The following PTPRK variants were observed in gnomAD, a reference collection of about 807,000 sequenced individuals.
The protein encoded by PTPRK is receptor-type tyrosine-protein phosphatase kappa.
Under a neutral mutation model 178.0 loss-of-function variants are expected in PTPRK, and 75 were observed. That is an observed-to-expected ratio of 0.42 (90% CI 0.35 to 0.51). PTPRK has a LOEUF of 0.51. Ranked by LOEUF, PTPRK falls within the 20% of genes least tolerant of loss-of-function variation. The probability of loss-of-function intolerance (pLI) is 0.02; values close to 1 mark genes in which losing one functional copy is unlikely to be tolerated. For missense variants in PTPRK, 1,441 were observed against 1,797.8 expected (o/e 0.80, Z 3.59); for synonymous variants, 637 against 620.6 (o/e 1.03, Z -0.39).
At chr6:128,421,439 T>C (rs1220715201) in intron 1 of PTPRK, among the ~76,000 whole-genome samples, 1 of 152,202 alleles carries the variant, frequency 6.6e-6, no homozygotes, top group Non-Finnish European at 1.5e-5. Flanking sequence ...AATAAGAGAA[T>C]GGGGAGTTTT....
intron 1 of PTPRK, among the ~76,000 whole-genome samples, chr6:128,491,247 T>G (rs918045985): frequency 5.3e-5 from 8 of 152,214 alleles, no homozygotes. Flanking sequence ...AAACAGACAT[T>G]TGCAGTCTGT....
intron 7 of PTPRK, among the ~76,000 whole-genome samples, chr6:128,140,309 G>A (rs1004935789): frequency 1.3e-5 from 2 of 151,884 alleles, no homozygotes; most frequent in Non-Finnish European, 2.9e-5. Context: ...TGTACAAGTG[G>A]CCTTTGAAAA....
At chr6:128,242,764 TAAAC>T (rs1814701176) in intron 3 of PTPRK, among the ~76,000 whole-genome samples, 162 bp from the exon 4 acceptor site, 1 of 152,178 alleles carries the variant, frequency 6.6e-6, no homozygotes, top group Non-Finnish European at 1.5e-5. Context: ...CTTGTACAGG[TAAAC>T]AAATCAAAAT....
At chr6:128,243,509 A>AAAG (rs1554367486) in intron 3 of PTPRK, among the ~76,000 whole-genome samples, 25 of 137,692 alleles carry the variant, frequency 1.8e-4, no homozygotes, top group Middle Eastern at 3.4e-3. Flanking sequence ...AAAAAAAAAA[A>AAAG]AAAAGAAAAG....
chr6:128,223,488 T>C (rs1479236008), intron 5 of PTPRK, among the ~76,000 whole-genome samples: 1 of 152,054 alleles, frequency 6.6e-6, no homozygotes, highest in Non-Finnish European at 1.5e-5. Context: ...ATATATTACA[T>C]GATGCTTATA....
At chr6:128,293,067 T>C (rs1276281367) in intron 3 of PTPRK, among the ~76,000 whole-genome samples, 1 of 152,026 alleles carries the variant, frequency 6.6e-6, no homozygotes, top group African/African-American at 2.4e-5. Flanking sequence ...TTTTTCTTTA[T>C]AAAATGAACA....
intron 7 of PTPRK, among the ~76,000 whole-genome samples, chr6:128,104,524 T>C (rs1335108233): frequency 6.6e-6 from 1 of 152,224 alleles, no homozygotes. Flanking sequence ...GCCCGGCCTA[T>C]ATTCTGTCTT....
intron 2 of PTPRK, among the ~76,000 whole-genome samples, chr6:128,325,046 T>C (rs958654247): frequency 6.6e-6 from 1 of 152,338 alleles, no homozygotes; most frequent in South Asian, 2.1e-4. Flanking sequence ...AACAAGAGTT[T>C]AGTTATCTCA....
rs1836487886 is a variant in PTPRK at position 128,372,901 on chromosome 6, G to T, written c.223+24665C>A. On this transcript the variant is annotated intron_variant, in intron 2 of 29. Coordinates refer to ENST00000368226, the MANE Select transcript of PTPRK (RefSeq NM_002844.4). ...GAAAAATGGAATGAGGAAATGAACA[G>T]AACTGAGTACTCTGATATACATGAG... Among the ~76,000 whole-genome samples, 3 of 151,702 alleles carry T rather than the reference G, an allele frequency of 2.0e-5. No homozygotes were observed. In the South Asian group the frequency reaches 6.2e-4, roughly 32 times the overall value.
At chr6:128,462,681 G>A (rs923567761) in intron 1 of PTPRK, among the ~76,000 whole-genome samples, 4 of 150,664 alleles carry the variant, frequency 2.7e-5, no homozygotes, top group East Asian at 3.9e-4. Flanking sequence ...TTGAGATGGA[G>A]TTTTGCTCTT....
chr6:128,215,568 G>T (rs1809120493), intron 6 of PTPRK, among the ~76,000 whole-genome samples: 1 of 152,116 alleles, frequency 6.6e-6, no homozygotes, highest in Non-Finnish European at 1.5e-5. Flanking sequence ...TCATAGCAAA[G>T]TAATTTCTGT....
At chr6:127,998,630 TGTTGTGTTA>T (rs1777455384) in intron 16 of PTPRK, 81 bp downstream of exon 16, 1 of 1,077,562 alleles carries the variant, frequency 9.3e-7, no homozygotes, top group African/African-American at 1.6e-5. Context: ...ATCCCCTCCT[TGTTGTGTTA>T]AAGAGAGGGA....
chr6:128,438,678 G>A (rs1451246926), intron 1 of PTPRK, among the ~76,000 whole-genome samples: 1 of 152,178 alleles, frequency 6.6e-6, no homozygotes, highest in Non-Finnish European at 1.5e-5. Flanking sequence ...GCTGCCCCAG[G>A]TGCCAAGTTA....
intron 3 of PTPRK, among the ~76,000 whole-genome samples, chr6:128,288,306 T>G (rs1009157414): frequency 1.3e-5 from 2 of 152,216 alleles, no homozygotes; most frequent in Non-Finnish European, 2.9e-5. Context: ...AAATTTTATA[T>G]CAGTTAATTC....
Position 128,240,020 on chromosome 6 carries a change from C to A in PTPRK, c.693+15G>T, listed in dbSNP as rs766584044. ...TAAAGTATACTCTTTAGCTCAGCTG[C>A]CAACTTGGCCTTACCTGGAGCCATA... On this transcript the variant is annotated intron_variant, in intron 5 of 29. Coordinates refer to ENST00000368226, the MANE Select transcript of PTPRK (RefSeq NM_002844.4). 1.7e-5 allele frequency: 27 copies of A among 1,588,714 alleles called. No individual in the cohort carries two copies. The highest frequency in any genetic ancestry group is 4.0e-5 in the African/African-American group (3 of 74,288).
intron 3 of PTPRK, among the ~76,000 whole-genome samples, chr6:128,257,237 A>C (rs1280349723): frequency 6.6e-6 from 1 of 151,976 alleles, no homozygotes; most frequent in Non-Finnish European, 1.5e-5. Flanking sequence ...CCAAAAAAAA[A>C]AAAAAGACAC....
chr6:128,117,403 G>C (rs2114375221), intron 7 of PTPRK, among the ~76,000 whole-genome samples: 1 of 152,208 alleles, frequency 6.6e-6, no homozygotes, highest in East Asian at 1.9e-4. Context: ...AAATTGATTA[G>C]GTAATGCTTC....
At chr6:128,065,634 T>C (rs1178037315) in intron 12 of PTPRK, among the ~76,000 whole-genome samples, 1 of 152,226 alleles carries the variant, frequency 6.6e-6, no homozygotes, top group Admixed American at 6.5e-5. Flanking sequence ...TTCTATATGT[T>C]GATAATTTAT....
At chr6:128,446,691 A>G (rs1357429345) in intron 1 of PTPRK, among the ~76,000 whole-genome samples, 1 of 152,196 alleles carries the variant, frequency 6.6e-6, no homozygotes. Context: ...TTATGTTTCA[A>G]TTTAACTAAA....
Sources: gnomAD v4.1 joint callset for allele counts (sites outside exome capture counted in the v4.1 genomes callset) on GRCh38, gnomAD v4.1.1 for gene constraint, MANE v1.5 for transcripts, NCBI Gene and HGNC (gene_info 2026-07-23, HGNC 2026-07-21) for gene names.